The following WDR33 variants were observed in gnomAD, a reference collection of about 807,000 sequenced individuals.
WDR33 encodes pre-mRNA 3' end processing protein WDR33.
WDR33 carries 47 observed loss-of-function variants against 164.9 expected under a neutral mutation model. The observed-to-expected ratio is 0.29, with a 90% CI of 0.23 to 0.36. The LOEUF (loss-of-function observed/expected upper bound fraction) is 0.36, where lower values mean the gene tolerates loss of function less well. Ranked by LOEUF, WDR33 falls within the 10% of genes least tolerant of loss-of-function variation. WDR33 has a pLI of 1.00. For synonymous variants in WDR33, 505 were observed against 589.0 expected, an observed-to-expected ratio of 0.86 and a Z score of 2.06; for missense variants, 1,137 against 1,754.1, an observed-to-expected ratio of 0.65 and a Z score of 6.28.
At position 127,770,736 on chromosome 2, in the gene WDR33, T is replaced by TCC. The variant is rs1687975425; in HGVS notation, c.204+41_204+42insGG. ...ATAAATAAATAAATAAATAAATAAA[T>TCC]AACCAAAGTTTGGTCATCTGAAGCA... is the stretch of plus-strand genomic sequence containing the variant. On this transcript the variant is annotated intron_variant, in intron 2 of 21. Coordinates refer to ENST00000322313, the MANE Select transcript of WDR33 (RefSeq NM_018383.5). The surrounding 1 kb of genome is among the most constrained non-coding windows in gnomAD (Gnocchi z 4.9). 1.2e-6 allele frequency: 1 copy of TCC among 808,942 alleles called. No individual in the cohort carries two copies. The highest frequency in any genetic ancestry group is 1.8e-6 in the Non-Finnish European group (1 of 545,816). The allele number at this position is 808,942 out of a possible 1,614,324, so 50.1% of individuals were successfully genotyped here.
chr2:127,701,476 G>C lies in WDR33; in HGVS notation c.*4847C>G. 1.6e-6 allele frequency: 2 copies of C among 1,247,220 alleles called. No homozygotes were observed. Among genetic ancestry groups the C allele is most frequent in the Non-Finnish European group, 2.0e-6 (2 of 992,370 alleles). The allele number at this position is 1,247,220 out of a possible 1,614,324, so 77.3% of individuals were successfully genotyped here. ...CGCCCGAAGACCGAACCGCTTCAGC[G>C]GAGGGCCGGAAGTGAGCCGCAGCTT... On this transcript the variant is annotated 3_prime_UTR_variant, in exon 22 of 22. Coordinates refer to ENST00000322313, the MANE Select transcript of WDR33 (RefSeq NM_018383.5).
intron 1 of WDR33, among the ~76,000 whole-genome samples, chr2:127,808,278 G>A (rs921447879): frequency 1.3e-5 from 2 of 152,144 alleles, no homozygotes; most frequent in African/African-American, 2.4e-5. Context: ...AGAAACTGAA[G>A]CTTAGAGAGT....
At chr2:127,786,451 G>A (rs140185980) in intron 1 of WDR33, among the ~76,000 whole-genome samples, 106 of 152,338 alleles carry the variant, frequency 7.0e-4, no homozygotes, top group African/African-American at 2.4e-3. Context: ...GGGAGGCTGA[G>A]GCAGACGGAT....
At position 127,714,056 on chromosome 2, in the gene WDR33, C is replaced by T. The variant is rs771624338; in HGVS notation, c.2870-35G>A. ...ACAAAGCTGACTTTTACCATGTCTT[C>T]CAGGAAACCTGCCAACATAGGTCTG... is the stretch of plus-strand genomic sequence containing the variant. On this transcript the variant is annotated intron_variant, in intron 17 of 21. Coordinates refer to ENST00000322313, the MANE Select transcript of WDR33 (RefSeq NM_018383.5). The surrounding 1 kb of genome is among the most constrained non-coding windows in gnomAD (Gnocchi z 4.3). 2.7e-6 allele frequency: 4 copies of T among 1,491,436 alleles called. No individual in the cohort carries two copies. The highest frequency in any genetic ancestry group is 3.5e-6 in the Non-Finnish European group (4 of 1,126,764). The allele number at this position is 1,491,436 out of a possible 1,614,324, so 92.4% of individuals were successfully genotyped here. A position where few individuals can be genotyped will look rare whatever the true frequency, so the allele number is the denominator to read the frequency against.
chr2:127,708,689 G>C lies in WDR33; in HGVS notation c.3769C>G (p.Arg1257Gly). The change falls in exon 21 of 22, where the codon CGA becomes GGA. Residue 1257 changes from arginine to glycine, a missense_variant. Around this residue, in one of 9 missense-constraint regions of WDR33, gnomAD observed 867 missense variants for 1,073.0 expected, o/e 0.81. Coordinates refer to ENST00000322313, the MANE Select transcript of WDR33 (RefSeq NM_018383.5). This position sits in a 1 kb window ranked among gnomAD's most constrained non-coding sequence, Gnocchi z 6.7. ...MEAPGGPSED[R>G]GGKGRGGPGP... is the part of the protein sequence containing the mutation. ...GGCCTGCTCTTACCTTTGCCTCCTC[G>C]GTCTTCAGAAGGGCCTCCTGGGGCC... The C allele has an allele frequency of 6.2e-7, 1 of 1,605,066 alleles. No individual in the cohort carries two copies. Among genetic ancestry groups the C allele is most frequent in the Non-Finnish European group, 8.5e-7 (1 of 1,174,612 alleles).
In WDR33 at chr2:127,716,574, G is replaced by A. The variant is rs939055987; in HGVS notation, c.2869+581C>T. Among the ~76,000 whole-genome samples the A allele has an allele frequency of 3.9e-5, 6 of 152,184 alleles. No homozygotes were observed. Among genetic ancestry groups the A allele is most frequent in the African/African-American group, 9.7e-5 (4 of 41,434 alleles). Reference sequence around the variant, plus strand: ...CATCTCAGGGGCCATGGTGCCCTGCGTGCTCTCCTTCAACCCTTAGGATTA... The same window carrying A: ...CATCTCAGGGGCCATGGTGCCCTGCATGCTCTCCTTCAACCCTTAGGATTA... On this transcript the variant is annotated intron_variant, in intron 17 of 21. Transcript: ENST00000322313. The surrounding 1 kb of genome is among the most constrained non-coding windows in gnomAD (Gnocchi z 4.5).
At chr2:127,778,357 A>G (rs1282707884) in intron 1 of WDR33, among the ~76,000 whole-genome samples, 1 of 150,576 alleles carries the variant, frequency 6.6e-6, no homozygotes, top group Non-Finnish European at 1.5e-5. Context: ...GAATCGCTTG[A>G]CCCCAAGAAG....
chr2:127,702,491 G>T lies in WDR33; in HGVS notation c.*3832C>A. On this transcript the variant is annotated 3_prime_UTR_variant, in exon 22 of 22. Coordinates refer to ENST00000322313, the MANE Select transcript of WDR33 (RefSeq NM_018383.5). ...AGTAACTGTGGTCTTAGGTTCGGCTGAGTAAAGAAAAAGGATTTTTCTTCG... is the reference window on the plus strand; with the variant it reads ...AGTAACTGTGGTCTTAGGTTCGGCTTAGTAAAGAAAAAGGATTTTTCTTCG... 4.9e-6 allele frequency: 1 copy of T among 205,074 alleles called. No homozygotes were observed. The allele number at this position is 205,074 out of a possible 1,614,324, so 12.7% of individuals were successfully genotyped here. A position where few individuals can be genotyped will look rare whatever the true frequency, so the allele number is the denominator to read the frequency against.
At chr2:127,756,697 TTA>T (rs1389080480) in intron 7 of WDR33, among the ~76,000 whole-genome samples, 1 of 152,136 alleles carries the variant, frequency 6.6e-6, no homozygotes, top group Non-Finnish European at 1.5e-5. Flanking sequence ...AGAATAAAAT[TTA>T]TATCTTTAAT....
chr2:127,799,547 C>A (rs1689160817), intron 1 of WDR33, among the ~76,000 whole-genome samples: 1 of 152,128 alleles, frequency 6.6e-6, no homozygotes, highest in Non-Finnish European at 1.5e-5. Context: ...GTAATCCCAG[C>A]ACTTTGGGAG....
intron 1 of WDR33, among the ~76,000 whole-genome samples, chr2:127,797,486 C>T (rs901575200): frequency 6.6e-6 from 1 of 151,992 alleles, no homozygotes. Flanking sequence ...AACAAGACTA[C>T]GTCACACACA....
rs1260758956 is a variant in WDR33, at chr2:127,723,092, C to A, written c.1292-48G>T. 2 of 1,516,482 alleles carry A rather than the reference C, an allele frequency of 1.3e-6. No homozygotes were observed. Among genetic ancestry groups the A allele is most frequent in the Non-Finnish European group, 9.0e-7 (1 of 1,115,774 alleles). The allele number at this position is 1,516,482 out of a possible 1,614,324, so 93.9% of individuals were successfully genotyped here. A position where few individuals can be genotyped will look rare whatever the true frequency, so the allele number is the denominator to read the frequency against. ...GTCAATAGAGAATTTACAAAAGTAG[C>A]GACTGATAAAATTAATGCTTTATAA... On this transcript the variant is annotated intron_variant, in intron 12 of 21. Coordinates refer to ENST00000322313, the MANE Select transcript of WDR33 (RefSeq NM_018383.5). This position sits in a 1 kb window ranked among gnomAD's most constrained non-coding sequence, Gnocchi z 5.9.
rs146300106 is a variant in WDR33, at chr2:127,710,066, G to C, written c.3309-210C>G. ...ACAGACCAGAAGGAAACACACCAGA[G>C]TGTGGAGTTACTTTAAGCTTCTTTT... On this transcript the variant is annotated intron_variant, in intron 18 of 21. Coordinates refer to ENST00000322313, the MANE Select transcript of WDR33 (RefSeq NM_018383.5). This position sits in a 1 kb window ranked among gnomAD's most constrained non-coding sequence, Gnocchi z 4.4. 7.9e-5 allele frequency among the ~76,000 whole-genome samples: 12 copies of C among 152,338 alleles called. No homozygotes were observed. In the East Asian group the frequency reaches 2.1e-3, roughly 27 times the overall value.
chr2:127,726,556 C>T lies in WDR33; in HGVS notation c.851+95G>A, dbSNP rs1686577452. 6.7e-7 allele frequency: 1 copy of T among 1,502,846 alleles called. No homozygotes were observed. The highest frequency in any genetic ancestry group is 1.3e-5 in the South Asian group (1 of 74,286). The allele number at this position is 1,502,846 out of a possible 1,614,324, so 93.1% of individuals were successfully genotyped here. On this transcript the variant is annotated intron_variant, in intron 8 of 21. Transcript: ENST00000322313. The surrounding 1 kb of genome is among the most constrained non-coding windows in gnomAD (Gnocchi z 4.8). ...CCATCTGTTGCCTAAATGACTCTTCCAGAAATACATAAGAGAAAACAAAGC... is the reference window on the plus strand; with the variant it reads ...CCATCTGTTGCCTAAATGACTCTTCTAGAAATACATAAGAGAAAACAAAGC...
Position 127,782,784 on chromosome 2 carries a change from T to C in WDR33, c.-23-11780A>G, listed in dbSNP as rs565906738. Among the ~76,000 whole-genome samples, 11 of 152,270 alleles carry C rather than the reference T, an allele frequency of 7.2e-5. No homozygotes were observed. The South Asian group carries it at 2.3e-3, about 32-fold the overall frequency. ...CAACACTTTGGGAGGCCGAGGCAGG[T>C]GGATCACAAGGTCAGGAGATCGAGA... On this transcript the variant is annotated intron_variant, in intron 1 of 21. Coordinates refer to ENST00000322313, the MANE Select transcript of WDR33 (RefSeq NM_018383.5).
chr2:127,757,031 T>A (rs957312081), intron 7 of WDR33, among the ~76,000 whole-genome samples: 1 of 149,576 alleles, frequency 6.7e-6, no homozygotes, highest in African/African-American at 2.5e-5. Context: ...GGGCCAGTAT[T>A]GCGCCACTGC....
chr2:127,760,840 C>A (rs1247845229), intron 7 of WDR33, among the ~76,000 whole-genome samples: 1 of 152,098 alleles, frequency 6.6e-6, no homozygotes, highest in Non-Finnish European at 1.5e-5. Flanking sequence ...TACCTGAAGG[C>A]TCATTATACC....
intron 1 of WDR33, among the ~76,000 whole-genome samples, chr2:127,786,549 G>T (rs1444033161): frequency 6.6e-6 from 1 of 152,154 alleles, no homozygotes; most frequent in South Asian, 2.1e-4. Flanking sequence ...TGGGCATGGT[G>T]GTGCACACCT....
At chr2:127,727,320 C>T (rs903904870) in intron 7 of WDR33, among the ~76,000 whole-genome samples, 8 of 152,148 alleles carry the variant, frequency 5.3e-5, no homozygotes, top group Non-Finnish European at 1.0e-4. Flanking sequence ...CTGCTTGATT[C>T]GCACATGTTG....
Sources: allele counts gnomAD v4.1 joint callset (sites outside exome capture counted in the v4.1 genomes callset), GRCh38; gene constraint gnomAD v4.1.1; regional missense constraint gnomAD v4.1.1; non-coding constraint Gnocchi (gnomAD v3.1); transcripts MANE v1.5; gene names NCBI Gene and HGNC (gene_info 2026-07-23, HGNC 2026-07-21).